Variants in ADGRL2 observed in about 807,000 individuals in gnomAD.
ADGRL2 encodes the protein calcium-independent alpha-latrotoxin receptor 2.
A neutral mutation model predicts 157.4 loss-of-function variants in ADGRL2; 44 were observed. The ratio of observed to expected loss-of-function variants is 0.28; its 90% confidence interval spans 0.22 to 0.36. ADGRL2 has a LOEUF of 0.36. Ranked by LOEUF, ADGRL2 falls within the 10% of genes least tolerant of loss-of-function variation. The pLI is 1.00. For missense variants in ADGRL2, 1,510 were observed against 1,768.9 expected (o/e 0.85, Z 2.63); for synonymous variants, 585 against 624.7 (o/e 0.94, Z 0.95).
chr1:81,975,582 G>A lies in ADGRL2; in HGVS notation c.3021+3664G>A, dbSNP rs143778386. Reference sequence around the variant, plus strand: ...ATTTTGTAAATGCGTATCAAAGGCAGAAAAATAAATTGGGCAAAAGTAAAA... The same window carrying A: ...ATTTTGTAAATGCGTATCAAAGGCAAAAAAATAAATTGGGCAAAAGTAAAA... On this transcript the variant is annotated intron_variant, in intron 17 of 23. Coordinates refer to ENST00000686636, the MANE Select transcript of ADGRL2 (RefSeq NM_001366006.2). Among the ~76,000 whole-genome samples, 1,289 of 145,280 alleles carry A rather than the reference G, an allele frequency of 8.9e-3. 13 individuals carry two copies. Among genetic ancestry groups the A allele is most frequent in the African/African-American group, 0.031 (1,227 of 39,214 alleles).
At chr1:81,595,928 C>G (rs1426819298) in intron 3 of ADGRL2, among the ~76,000 whole-genome samples, 1 of 152,060 alleles carries the variant, frequency 6.6e-6, no homozygotes. Context: ...AGGGCTGCTT[C>G]CTGGTTCATA....
chr1:81,734,849 C>T (rs1322762186), intron 1 of ADGRL2, among the ~76,000 whole-genome samples: 1 of 147,026 alleles, frequency 6.8e-6, no homozygotes, highest in African/African-American at 2.5e-5. Flanking sequence ...GACTAACCAA[C>T]ATGGAGAAAC....
rs553480301 is a variant in ADGRL2 at position 81,585,688 on chromosome 1, T to C, written c.-143+4708T>C. 5.9e-5 allele frequency among the ~76,000 whole-genome samples: 9 copies of C among 152,270 alleles called. No homozygotes were observed. In the South Asian group the frequency reaches 1.4e-3, roughly 25 times the overall value. Reference sequence around the variant, plus strand: ...TTCCTGACATAATTTCCAGAGGTGATGTGGGATTATTGTGCTTGCCTTCTC... The same window carrying C: ...TTCCTGACATAATTTCCAGAGGTGACGTGGGATTATTGTGCTTGCCTTCTC... On this transcript the variant is annotated intron_variant, in intron 3 of 24. Transcript: ENST00000370721.
At chr1:81,374,419 A>G (rs926702377) in intron 1 of ADGRL2, among the ~76,000 whole-genome samples, 5 of 152,082 alleles carry the variant, frequency 3.3e-5, no homozygotes, top group African/African-American at 1.2e-4. Context: ...TAAAAGTACA[A>G]AAATTAGCCG....
intron 3 of ADGRL2, among the ~76,000 whole-genome samples, chr1:81,680,570 G>C (rs1184703122): frequency 3.3e-5 from 5 of 151,934 alleles, no homozygotes; most frequent in South Asian, 2.1e-4. Flanking sequence ...TCGTGAATTA[G>C]GCTAATGAAA....
At chr1:81,846,389 A>G (rs143256078) in intron 2 of ADGRL2, among the ~76,000 whole-genome samples, 1 of 99,172 alleles carries the variant, frequency 1.0e-5, no homozygotes, top group East Asian at 1.9e-4. Context: ...AGCCGAGAGA[A>G]GCAAAAGCAT....
intron 1 of ADGRL2, among the ~76,000 whole-genome samples, chr1:81,704,203 T>C (rs2083661409): frequency 6.6e-6 from 1 of 152,210 alleles, no homozygotes; most frequent in Admixed American, 6.5e-5. Context: ...AAAAACCAGT[T>C]AAATCTAATA....
rs1221326969 is a variant in ADGRL2, at chr1:81,412,059, C to T, written c.-301-32977C>T. Among the ~76,000 whole-genome samples, 12 of 152,100 alleles carry T rather than the reference C, an allele frequency of 7.9e-5. No homozygotes were observed. In the South Asian group the frequency reaches 2.3e-3, roughly 29 times the overall value. ...AATATGTATTGAGAAATTATTTCTA[C>T]CAAATATACATAAGTTTTTCATGCA... On this transcript the variant is annotated intron_variant, in intron 1 of 24. Coordinates refer to the ADGRL2 transcript ENST00000370721.
Position 81,631,401 on chromosome 1 carries a change from G to A in ADGRL2, c.-143+50421G>A, listed in dbSNP as rs553140133. On this transcript the variant is annotated intron_variant, in intron 3 of 24. Coordinates refer to the ADGRL2 transcript ENST00000370721. ...CCGGTTAAGTTTGGTATTTTTAGTA[G>A]AGTCAGGATTTCACCATGTTGGCCA... Among the ~76,000 whole-genome samples the A allele has an allele frequency of 3.9e-5, 6 of 152,100 alleles. No homozygotes were observed. The East Asian group carries it at 1.2e-3, about 29-fold the overall frequency.
At chr1:81,820,532 A>C (rs2090877497) in intron 1 of ADGRL2, among the ~76,000 whole-genome samples, 1 of 151,966 alleles carries the variant, frequency 6.6e-6, no homozygotes, top group Non-Finnish European at 1.5e-5. Flanking sequence ...TTCACTCTTC[A>C]GATTTTTTTT....
intron 2 of ADGRL2, among the ~76,000 whole-genome samples, chr1:81,571,241 C>T (rs1488941643): frequency 2.6e-5 from 4 of 151,478 alleles, no homozygotes; most frequent in South Asian, 2.1e-4. Context: ...ATGAGAATTG[C>T]TTGAATCAGA....
chr1:81,415,205 C>A (rs1329437811), intron 1 of ADGRL2, among the ~76,000 whole-genome samples: 2 of 151,952 alleles, frequency 1.3e-5, no homozygotes, highest in African/African-American at 4.8e-5. Context: ...CCACATTTGT[C>A]TTTGTTTATA....
chr1:81,570,361 T>C (rs995660313), intron 2 of ADGRL2, among the ~76,000 whole-genome samples: 1 of 152,126 alleles, frequency 6.6e-6, no homozygotes, highest in African/African-American at 2.4e-5. Context: ...ATTTTTAACA[T>C]GGAGGATATT....
intron 1 of ADGRL2, among the ~76,000 whole-genome samples, chr1:81,363,338 T>A (rs1054009778): frequency 3.9e-5 from 6 of 152,212 alleles, no homozygotes; most frequent in South Asian, 2.1e-4. Flanking sequence ...AGGCTATTAA[T>A]GAGTCAATCC....
At chr1:81,863,049 T>C (rs1346456574) in intron 2 of ADGRL2, among the ~76,000 whole-genome samples, 1 of 152,188 alleles carries the variant, frequency 6.6e-6, no homozygotes, top group African/African-American at 2.4e-5. Context: ...GTATAGACTT[T>C]TTAAAGACAA....
chr1:81,898,099 ACT>A (rs2151564627), intron 2 of ADGRL2, among the ~76,000 whole-genome samples: 1 of 152,088 alleles, frequency 6.6e-6, no homozygotes, highest in Non-Finnish European at 1.5e-5. Context: ...ACAGAGTGAG[ACT>A]CTCTCCCTAA....
At chr1:81,468,703 A>T (rs1490312325) in intron 2 of ADGRL2, among the ~76,000 whole-genome samples, 1 of 152,226 alleles carries the variant, frequency 6.6e-6, no homozygotes, top group African/African-American at 2.4e-5. Context: ...ATTTTTATGC[A>T]TATCCTGTGT....
chr1:81,346,918 A>G (rs1364058053), intron 1 of ADGRL2, among the ~76,000 whole-genome samples: 4 of 152,306 alleles, frequency 2.6e-5, no homozygotes, highest in African/African-American at 9.6e-5. Flanking sequence ...TGTTGGGTAG[A>G]GGCTAAAAGA....
At chr1:81,535,272 A>C (rs538406451) in intron 2 of ADGRL2, among the ~76,000 whole-genome samples, 7 of 152,210 alleles carry the variant, frequency 4.6e-5, no homozygotes, top group Non-Finnish European at 7.3e-5. Flanking sequence ...TGATTTTTAA[A>C]AATTTTAAAT....
Sources: gnomAD v4.1 joint callset for allele counts (sites outside exome capture counted in the v4.1 genomes callset) on GRCh38, gnomAD v4.1.1 for gene constraint, MANE v1.5 for transcripts, NCBI Gene and HGNC (gene_info 2026-07-23, HGNC 2026-07-21) for gene names.